The following LBP variants were observed in gnomAD, a reference collection of about 807,000 sequenced individuals.
The protein encoded by LBP is lipopolysaccharide-binding protein.
In LBP, 53 loss-of-function variants were observed where a neutral mutation model predicts 56.6. That is an observed-to-expected ratio of 0.94 (90% CI 0.75 to 1.18). The LOEUF (loss-of-function observed/expected upper bound fraction) is 1.18. Among genes scored for constraint, LBP ranks in the 50% most tolerant of loss-of-function variants. The pLI, the probability that LBP is intolerant of heterozygous loss-of-function variation, is 0.00. For synonymous variants in LBP, 227 were observed against 247.5 expected, an observed-to-expected ratio of 0.92 and a Z score of 0.78; for missense variants, 601 against 598.3, an observed-to-expected ratio of 1.00 and a Z score of -0.05.
intron 3 of LBP, among the ~76,000 whole-genome samples, chr20:38,351,464 A>G (rs1287727261): frequency 6.6e-6 from 1 of 152,126 alleles, no homozygotes; most frequent in Non-Finnish European, 1.5e-5. Context: ...GGCTGCTTCC[A>G]GGGGCTCTGG....
chr20:38,366,434 A>T (rs1360965214), intron 8 of LBP, among the ~76,000 whole-genome samples: 1 of 152,100 alleles, frequency 6.6e-6, no homozygotes, highest in Non-Finnish European at 1.5e-5. Flanking sequence ...TCCCCATTTT[A>T]TGGATAAGGA....
chr20:38,366,198 C>A (rs1201721672), intron 8 of LBP, among the ~76,000 whole-genome samples: 4 of 152,122 alleles, frequency 2.6e-5, no homozygotes, highest in Non-Finnish European at 5.9e-5. Flanking sequence ...AAGTCAGGGG[C>A]CGTCTGGTAG....
At chr20:38,371,153 C>G (rs749019969) in intron 11 of LBP, 127 bp from the exon 12 acceptor site, 1 of 698,102 alleles carries the variant, frequency 1.4e-6, no homozygotes, top group African/African-American at 1.8e-5. Context: ...ATCTTTTCCA[C>G]TCCTGCTCCC....
At chr20:38,350,410 C>T (rs1346157457) in intron 2 of LBP, among the ~76,000 whole-genome samples, 6 of 152,164 alleles carry the variant, frequency 3.9e-5, no homozygotes, top group Admixed American at 3.3e-4. Flanking sequence ...TGTTTCCCCC[C>T]TACCTGGATG....
At position 38,354,516 on chromosome 20, in the gene LBP, C is replaced by T. The variant is rs561382894; in HGVS notation, c.524+77C>T. The stretch of plus-strand genomic sequence containing the variant: ...CCAATCCAGCGCTCAGCCTGGCCTC[C>T]GATAATTGCAATGATCCAGGTGGCT... On this transcript the variant is annotated intron_variant, in intron 4 of 14. Transcript: ENST00000217407. 6.4e-5 allele frequency: 87 copies of T among 1,356,236 alleles called. No individual in the cohort carries two copies. In the African/African-American group the frequency reaches 1.0e-3, roughly 16 times the overall value. 84.0% of individuals were successfully genotyped at this position (1,356,236 alleles called of 1,614,324 possible).
At chr20:38,375,971 T>C (rs996521535) in intron 14 of LBP, among the ~76,000 whole-genome samples, 2 of 152,214 alleles carry the variant, frequency 1.3e-5, no homozygotes, top group African/African-American at 4.8e-5. Context: ...CATTTATAAG[T>C]AGTCAGACAG....
chr20:38,359,717 C>T (rs1392211278), intron 5 of LBP, among the ~76,000 whole-genome samples: 10 of 152,154 alleles, frequency 6.6e-5, no homozygotes, highest in African/African-American at 2.4e-4. Context: ...TCCAGTAGGG[C>T]CCAGTTGGAC....
intron 9 of LBP, among the ~76,000 whole-genome samples, chr20:38,367,044 T>C (rs6025204): frequency 1.1e-4 from 17 of 152,302 alleles, no homozygotes; most frequent in African/African-American, 4.1e-4. Context: ...CTTTTATTGG[T>C]GTTATCTAAG....
At chr20:38,350,269 G>A (rs2076815861) in intron 2 of LBP, among the ~76,000 whole-genome samples, 2 of 152,168 alleles carry the variant, frequency 1.3e-5, no homozygotes, top group South Asian at 2.1e-4. Flanking sequence ...CAGTCCATCA[G>A]CAAAAATCTA....
In LBP at chr20:38,346,570, G is replaced by A. The variant is rs1199783712; in HGVS notation, c.54G>A (p.Thr18=). 5.6e-6 allele frequency: 9 copies of A among 1,613,766 alleles called. No homozygotes were observed. Among genetic ancestry groups the A allele is most frequent in the East Asian group, 2.2e-5 (1 of 44,884 alleles). Residue 18 remains threonine (T), a synonymous_variant, in exon 1 of 15, where the codon ACG becomes ACA. Transcript: ENST00000217407. The stretch of plus-strand genomic sequence containing the variant: ...CCATACTGCTGGCATTGCTGCTTAC[G>A]TCCACCCCAGAGGCTCTGGGTGCCA... The part of the protein sequence containing the change: ...LPSILLALLL[T]STPEALGANP...
In LBP at chr20:38,363,978, C is replaced by A; in HGVS notation, c.656C>A (p.Thr219Lys). Residue 219 changes from threonine to lysine, a missense_variant, in exon 7 of 15, where the codon ACA (threonine) becomes AAA (lysine). Thr to Lys is a moderately conservative substitution (Grantham distance 78). Coordinates refer to ENST00000217407, the MANE Select transcript of LBP (RefSeq NM_004139.5). ...TCTGCCCTGTCCTCATTCACAGTTA[C>A]AACAGAGATTGACAGTTTCGCCGAC... ...LQPYLQTLPV[T>K]TEIDSFADID... 1 of 1,612,044 alleles carries A rather than the reference C, an allele frequency of 6.2e-7. No homozygotes were observed. Among genetic ancestry groups the A allele is most frequent in the Non-Finnish European group, 8.5e-7 (1 of 1,178,076 alleles).
At chr20:38,375,969 A>AGT (rs1204726117) in intron 14 of LBP, among the ~76,000 whole-genome samples, 1 of 152,214 alleles carries the variant, frequency 6.6e-6, no homozygotes, top group Admixed American at 6.5e-5. Flanking sequence ...AGCATTTATA[A>AGT]GTAGTCAGAC....
intron 9 of LBP, among the ~76,000 whole-genome samples, chr20:38,367,290 C>CA (rs1364760259): frequency 6.6e-6 from 1 of 151,788 alleles, no homozygotes; most frequent in African/African-American, 2.4e-5. Context: ...CCCATCTCTA[C>CA]AAAAAATACA....
At chr20:38,366,852 T>C (rs2076884171) in intron 9 of LBP, 24 bp downstream of exon 9, 1 of 1,606,594 alleles carries the variant, frequency 6.2e-7, no homozygotes, top group South Asian at 1.1e-5. Flanking sequence ...TAGTTCCCCA[T>C]GAGTGCAGAC....
intron 1 of LBP, among the ~76,000 whole-genome samples, chr20:38,348,527 G>A (rs2076808718): frequency 6.6e-6 from 1 of 152,026 alleles, no homozygotes; most frequent in African/African-American, 2.4e-5. Flanking sequence ...TGGCCAGGAT[G>A]GTCTCGATGA....
chr20:38,366,190 G>A (rs1386974429), intron 8 of LBP, among the ~76,000 whole-genome samples: 1 of 152,192 alleles, frequency 6.6e-6, no homozygotes, highest in Non-Finnish European at 1.5e-5. Flanking sequence ...CCTGGTATAA[G>A]TCAGGGGCCG....
intron 5 of LBP, among the ~76,000 whole-genome samples, chr20:38,357,721 T>C (rs1375918418): frequency 1.3e-5 from 2 of 152,190 alleles, no homozygotes; most frequent in African/African-American, 4.8e-5. Flanking sequence ...CTCAGTCGCG[T>C]ATACTTGTGG....
intron 6 of LBP, 106 bp from the exon 7 acceptor site, chr20:38,363,869 T>C (rs2076870622): frequency 1.3e-6 from 1 of 789,642 alleles, no homozygotes. Flanking sequence ...AGTAGGGGGA[T>C]TCTGAAGAAA....
chr20:38,372,271 C>T (rs575418813), intron 12 of LBP, among the ~76,000 whole-genome samples: 2 of 152,324 alleles, frequency 1.3e-5, no homozygotes, highest in South Asian at 4.1e-4. Context: ...CCACCTCCAC[C>T]TGTGCCCTGC....
Sources: allele counts gnomAD v4.1 joint callset (sites outside exome capture counted in the v4.1 genomes callset), GRCh38; gene constraint gnomAD v4.1.1; transcripts MANE v1.5; gene names NCBI Gene and HGNC (gene_info 2026-07-23, HGNC 2026-07-21).